The following GRID2 variants were observed in gnomAD, a reference collection of about 807,000 sequenced individuals.
GRID2 encodes glutamate receptor ionotropic, delta-2.
In GRID2, 33 loss-of-function variants were observed where a neutral mutation model predicts 114.8. The observed-to-expected ratio is 0.29, with a 90% CI of 0.22 to 0.38. The LOEUF is 0.38. GRID2 is among the 10% of genes least tolerant of loss of function. GRID2 has a pLI of 1.00. For synonymous variants in GRID2, 505 were observed against 449.9 expected (o/e 1.12, Z -1.55); for missense variants, 1,184 against 1,257.7 (o/e 0.94, Z 0.89).
intron 8 of GRID2, among the ~76,000 whole-genome samples, chr4:93,275,542 A>C (rs2149576398): frequency 6.6e-6 from 1 of 151,766 alleles, no homozygotes; most frequent in East Asian, 1.9e-4. Context: ...CATACTGTTT[A>C]GTGTCTCCAT....
intron 2 of GRID2, among the ~76,000 whole-genome samples, chr4:92,995,465 T>G (rs903251533): frequency 7.9e-5 from 12 of 152,170 alleles, no homozygotes; most frequent in African/African-American, 2.9e-4. Context: ...ATCATACCAT[T>G]GTGAGAAGAG....
chr4:93,768,821 G>A (rs1261084010), intron 14 of GRID2, among the ~76,000 whole-genome samples: 2 of 152,036 alleles, frequency 1.3e-5, no homozygotes, highest in African/African-American at 4.8e-5. Context: ...TGTAGGAAAG[G>A]GACACAGAAC....
chr4:92,922,051 A>T (rs907934080), intron 2 of GRID2, among the ~76,000 whole-genome samples: 1 of 152,014 alleles, frequency 6.6e-6, no homozygotes, highest in Non-Finnish European at 1.5e-5. Flanking sequence ...CAATTGTGGG[A>T]GCCCCTCCCT....
chr4:93,705,883 C>G (rs776736929), intron 14 of GRID2, among the ~76,000 whole-genome samples: 1 of 152,140 alleles, frequency 6.6e-6, no homozygotes, highest in Non-Finnish European at 1.5e-5. Flanking sequence ...GGTCTAGTTT[C>G]ATTTTTCTGC....
intron 2 of GRID2, among the ~76,000 whole-genome samples, chr4:92,905,974 G>C (rs201170073): frequency 6.6e-6 from 1 of 151,878 alleles, no homozygotes; most frequent in Non-Finnish European, 1.5e-5. Context: ...ACTAATTCTT[G>C]GTTTTATCAA....
chr4:92,905,680 T>A (rs1254392769), intron 2 of GRID2, among the ~76,000 whole-genome samples: 2 of 148,066 alleles, frequency 1.4e-5, no homozygotes, highest in Non-Finnish European at 3.0e-5. Context: ...ATTTAAATAC[T>A]CATATGGGGC....
At chr4:92,844,605 G>T (rs1360035354) in intron 2 of GRID2, among the ~76,000 whole-genome samples, 1 of 150,542 alleles carries the variant, frequency 6.6e-6, no homozygotes, top group Non-Finnish European at 1.5e-5. Context: ...GATCAGGATT[G>T]ATTGTAGCCT....
intron 14 of GRID2, among the ~76,000 whole-genome samples, chr4:93,684,435 T>C (rs1725891207): frequency 6.6e-6 from 1 of 152,136 alleles, no homozygotes; most frequent in African/African-American, 2.4e-5. Context: ...AAAGTGTTCT[T>C]TTTGTTACCA....
intron 2 of GRID2, among the ~76,000 whole-genome samples, chr4:92,619,003 C>T (rs995814935): frequency 6.6e-6 from 1 of 151,258 alleles, no homozygotes; most frequent in Non-Finnish European, 1.5e-5. Flanking sequence ...ATTTGGATGC[C>T]GTTTATTGCT....
At chr4:93,476,504 A>C (rs1010523636) in intron 11 of GRID2, among the ~76,000 whole-genome samples, 1 of 152,118 alleles carries the variant, frequency 6.6e-6, no homozygotes, top group Non-Finnish European at 1.5e-5. Flanking sequence ...TTTACGATAC[A>C]TTTAAGCCTT....
chr4:92,988,796 A>G (rs1754664836), intron 2 of GRID2, among the ~76,000 whole-genome samples: 1 of 152,218 alleles, frequency 6.6e-6, no homozygotes, highest in Admixed American at 6.5e-5. Flanking sequence ...GGAATAAACA[A>G]ACTGACAAAG....
intron 8 of GRID2, among the ~76,000 whole-genome samples, chr4:93,253,212 C>T (rs1319964010): frequency 2.0e-5 from 3 of 151,718 alleles, no homozygotes; most frequent in East Asian, 1.9e-4. Context: ...GCTGAGATAG[C>T]GCCACTGCAC....
rs75282880 is a variant in GRID2 at position 92,306,352 on chromosome 4, G to C, written c.88+1608G>C. Among the ~76,000 whole-genome samples, 961 of 152,320 alleles carry C rather than the reference G, an allele frequency of 6.3e-3. 6 individuals carry two copies. Among genetic ancestry groups the C allele is most frequent in the Middle Eastern group, 0.044 (13 of 294 alleles). ...CCCGTTTTGCCTGGGGGCTAACAGTGCCTACAGATTCAGAACTTTTCAGCA... is the reference window on the plus strand; with the variant it reads ...CCCGTTTTGCCTGGGGGCTAACAGTCCCTACAGATTCAGAACTTTTCAGCA... On this transcript the variant is annotated intron_variant, in intron 1 of 15. Transcript: ENST00000282020.
chr4:93,437,704 C>T (rs1468189529), intron 10 of GRID2, among the ~76,000 whole-genome samples: 1 of 152,084 alleles, frequency 6.6e-6, no homozygotes, highest in Non-Finnish European at 1.5e-5. Flanking sequence ...TATCTCACTT[C>T]CCTCTTGCAT....
At chr4:93,000,026 T>C (rs1755441387) in intron 2 of GRID2, among the ~76,000 whole-genome samples, 1 of 151,670 alleles carries the variant, frequency 6.6e-6, no homozygotes, top group South Asian at 2.1e-4. Context: ...ATATGAGAAT[T>C]TCAGTTAAAT....
intron 10 of GRID2, among the ~76,000 whole-genome samples, chr4:93,451,938 A>G (rs1269589092): frequency 6.6e-6 from 1 of 152,182 alleles, no homozygotes; most frequent in African/African-American, 2.4e-5. Flanking sequence ...AATTTGAGGT[A>G]TTTTTAAGTC....
At chr4:93,779,873 G>C (rs1296310906) in intron 1 of GRID2, among the ~76,000 whole-genome samples, 1 of 152,212 alleles carries the variant, frequency 6.6e-6, no homozygotes. Flanking sequence ...AAAAGGCAAA[G>C]TGTGAGTGAG....
chr4:92,958,503 A>G (rs542146729), intron 2 of GRID2, among the ~76,000 whole-genome samples: 1 of 152,208 alleles, frequency 6.6e-6, no homozygotes, highest in African/African-American at 2.4e-5. Flanking sequence ...CCAGCCTTGT[A>G]TATCCGGGAT....
chr4:92,378,645 C>T (rs1196919841), intron 1 of GRID2, among the ~76,000 whole-genome samples: 2 of 152,018 alleles, frequency 1.3e-5, no homozygotes, highest in Admixed American at 1.3e-4. Flanking sequence ...ACATGGTGTA[C>T]ACAAAGAATC....
Sources: gnomAD v4.1 joint callset for allele counts (sites outside exome capture counted in the v4.1 genomes callset) on GRCh38, gnomAD v4.1.1 for gene constraint, MANE v1.5 for transcripts, NCBI Gene and HGNC (gene_info 2026-07-23, HGNC 2026-07-21) for gene names.